The following ADTRP variants were observed in gnomAD, a reference collection of about 807,000 sequenced individuals.
ADTRP encodes the protein androgen-dependent TFPI-regulating protein.
Under a neutral mutation model 27.0 loss-of-function variants are expected in ADTRP, and 20 were observed. The ratio of observed to expected loss-of-function variants is 0.74; its 90% CI spans 0.52 to 1.08. The LOEUF is 1.08. Ranked by LOEUF, ADTRP falls within the 50% of genes least tolerant of loss-of-function variation. The probability of loss-of-function intolerance (pLI) is 0.00; values close to 1 mark genes in which losing one functional copy is unlikely to be tolerated. For missense variants in ADTRP, 251 were observed against 275.0 expected, an observed-to-expected ratio of 0.91 and a Z score of 0.62; for synonymous variants, 101 against 105.2, an observed-to-expected ratio of 0.96 and a Z score of 0.25.
At chr6:11,768,097 G>C (rs1035980824) in intron 2 of ADTRP, 152 bp downstream of exon 2, 8 of 890,118 alleles carry the variant, frequency 9.0e-6, no homozygotes, top group Non-Finnish European at 1.4e-5. Context: ...AAAGACACTG[G>C]GCAATGTGGC....
At chr6:11,723,239 G>GT (rs1249167298) in intron 5 of ADTRP, 110 bp downstream of exon 5, 12 of 1,417,480 alleles carry the variant, frequency 8.5e-6, no homozygotes, top group Non-Finnish European at 1.2e-5. Context: ...GACAAAGACA[G>GT]TAAGCATCAT....
chr6:11,721,670 A>G (rs1762028668), intron 5 of ADTRP, among the ~76,000 whole-genome samples: 1 of 152,172 alleles, frequency 6.6e-6, no homozygotes, highest in Non-Finnish European at 1.5e-5. Context: ...GTCATTTACA[A>G]TCGTCTCTTT....
At chr6:11,770,064 C>A in intron 1 of ADTRP, 2 of 1,551,598 alleles carry the variant, frequency 1.3e-6, no homozygotes, top group Non-Finnish European at 1.7e-6. Flanking sequence ...AGATGTCAAA[C>A]CCAGCAGTCC....
intron 3 of ADTRP, among the ~76,000 whole-genome samples, chr6:11,761,854 C>A (rs1763398124): frequency 6.6e-6 from 1 of 152,144 alleles, no homozygotes; most frequent in Admixed American, 6.5e-5. Context: ...GGAGCCTCTT[C>A]CCTCAAGGTT....
At chr6:11,755,576 T>C (rs1763189358) in intron 3 of ADTRP, among the ~76,000 whole-genome samples, 1 of 152,218 alleles carries the variant, frequency 6.6e-6, no homozygotes, top group South Asian at 2.1e-4. Flanking sequence ...AATGGCTTTA[T>C]TGTGATTATT....
At position 11,735,832 on chromosome 6, in the gene ADTRP, C is replaced by T. The variant is rs76763608; in HGVS notation, c.391-149G>A. ...GCTCCCTAGATGCCCAAGGACCTAC[C>T]GTGGCTCCCTCTTACCTACCACATT... On this transcript the variant is annotated intron_variant, in intron 3 of 5. Transcript: ENST00000414691. 1.9e-3 allele frequency: 1,173 copies of T among 618,120 alleles called. 11 individuals are homozygous for T. The East Asian group carries it at 0.023, about 12-fold the overall frequency. The allele number at this position is 618,120 out of a possible 1,614,324, so 38.3% of individuals were successfully genotyped here.
chr6:11,761,733 C>T (rs1379522275), intron 3 of ADTRP, among the ~76,000 whole-genome samples: 1 of 151,986 alleles, frequency 6.6e-6, no homozygotes, highest in African/African-American at 2.4e-5. Flanking sequence ...GGTAAGAGGC[C>T]CATAAATGGA....
At chr6:11,762,574 C>T (rs547382551) in intron 3 of ADTRP, among the ~76,000 whole-genome samples, 15 of 152,274 alleles carry the variant, frequency 9.9e-5, no homozygotes, top group African/African-American at 2.4e-4. Flanking sequence ...TGTTTTGAAA[C>T]CCCCCTTAAC....
chr6:11,751,485 C>T lies in ADTRP; in HGVS notation c.390+14789G>A, dbSNP rs186938274. 7.2e-3 allele frequency among the ~76,000 whole-genome samples: 1,091 copies of T among 152,280 alleles called. 50 individuals are homozygous for T. Among genetic ancestry groups the T allele is most frequent in the Admixed American group, 0.067 (1,025 of 15,292 alleles). ...ATGTGCTTATTTAACCTGGTCATGG[C>T]TGACATAGGTCACTATCTGTAGCCC... On this transcript the variant is annotated intron_variant, in intron 3 of 5. Coordinates refer to ENST00000414691, the MANE Select transcript of ADTRP (RefSeq NM_032744.4).
intron 5 of ADTRP, chr6:11,717,486 A>G: frequency 8.1e-7 from 1 of 1,239,010 alleles, no homozygotes; most frequent in Non-Finnish European, 1.1e-6. Flanking sequence ...TATATGCCTT[A>G]TTATTCCAAT....
At chr6:11,723,955 G>A (rs1221741081) in intron 4 of ADTRP, among the ~76,000 whole-genome samples, 1 of 152,134 alleles carries the variant, frequency 6.6e-6, no homozygotes, top group African/African-American at 2.4e-5. Flanking sequence ...AGCTACTAGG[G>A]AGGCGGAGGA....
rs1762533042 is a variant in ADTRP, at chr6:11,735,861, C to T, written c.391-178G>A. 7.1e-6 allele frequency: 4 copies of T among 560,520 alleles called. No homozygotes were observed. The South Asian group carries it at 9.0e-5, about 13-fold the overall frequency. The allele number at this position is 560,520 out of a possible 1,614,324, so 34.7% of individuals were successfully genotyped here. A position where few individuals can be genotyped will look rare whatever the true frequency, so the allele number is the denominator to read the frequency against. On this transcript the variant is annotated intron_variant, in intron 3 of 5. Coordinates refer to ENST00000414691, the MANE Select transcript of ADTRP (RefSeq NM_032744.4). Reference sequence around the variant, plus strand: ...GCTCCCTCTTACCTACCACATTAGTCCAAACTCCTCTGTCTGGCTACCAAG... The same window carrying T: ...GCTCCCTCTTACCTACCACATTAGTTCAAACTCCTCTGTCTGGCTACCAAG...
At chr6:11,717,416 T>G in intron 5 of ADTRP, 1 of 1,304,060 alleles carries the variant, frequency 7.7e-7, no homozygotes, top group Non-Finnish European at 1.0e-6. Context: ...GAACAGAAAC[T>G]GCAGGCATGG....
At chr6:11,721,034 G>T (rs920519644) in intron 5 of ADTRP, among the ~76,000 whole-genome samples, 2 of 152,212 alleles carry the variant, frequency 1.3e-5, no homozygotes, top group African/African-American at 4.8e-5. Context: ...CCGAGGTCTA[G>T]TGGAAAAACA....
At chr6:11,735,078 A>G (rs1762506058) in intron 4 of ADTRP, among the ~76,000 whole-genome samples, 1 of 152,222 alleles carries the variant, frequency 6.6e-6, no homozygotes. Flanking sequence ...CTCCCATGCA[A>G]TTGCCCAAAT....
intron 5 of ADTRP, chr6:11,717,259 G>C (rs1171936044): frequency 2.3e-6 from 3 of 1,297,174 alleles, no homozygotes; most frequent in Non-Finnish European, 3.0e-6. Flanking sequence ...TTTAACTGCT[G>C]TCAGATAGTA....
intron 4 of ADTRP, among the ~76,000 whole-genome samples, chr6:11,726,609 T>C (rs1298355735): frequency 6.6e-6 from 1 of 152,174 alleles, no homozygotes; most frequent in Non-Finnish European, 1.5e-5. Context: ...TAAATAAACC[T>C]CTTTTCAATC....
intron 1 of ADTRP, among the ~76,000 whole-genome samples, chr6:11,774,310 A>AT (rs1291192853): frequency 6.7e-6 from 1 of 149,200 alleles, no homozygotes; most frequent in Non-Finnish European, 1.5e-5. Context: ...ATTCCATCTC[A>AT]AAAATAAATA....
chr6:11,742,899 G>A (rs990599542), intron 3 of ADTRP, among the ~76,000 whole-genome samples: 2 of 152,176 alleles, frequency 1.3e-5, no homozygotes, highest in African/African-American at 2.4e-5. Flanking sequence ...CACCAGCCAG[G>A]ATTTTATTCT....
Sources: gnomAD v4.1 joint callset for allele counts (sites outside exome capture counted in the v4.1 genomes callset) on GRCh38, gnomAD v4.1.1 for gene constraint, MANE v1.5 for transcripts, NCBI Gene and HGNC (gene_info 2026-07-23, HGNC 2026-07-21) for gene names.